Variants in ANKRD50 observed in about 807,000 individuals in gnomAD.
ANKRD50 encodes ankyrin repeat domain 50, also known as ankyrin repeat domain-containing protein 50.
ANKRD50 carries 40 observed loss-of-function variants against 112.0 expected under a neutral mutation model. That is an observed-to-expected ratio of 0.36 (90% CI 0.28 to 0.46). The LOEUF is 0.46. ANKRD50 is among the 20% of genes least tolerant of loss of function. ANKRD50 has a pLI of 1.00. For synonymous variants in ANKRD50, 613 were observed against 619.1 expected, an observed-to-expected ratio of 0.99 and a Z score of 0.15; for missense variants, 1,487 against 1,701.7, an observed-to-expected ratio of 0.87 and a Z score of 2.22.
chr4:124,700,774 G>A (rs1725372045), intron 2 of ANKRD50, among the ~76,000 whole-genome samples: 1 of 152,154 alleles, frequency 6.6e-6, no homozygotes, highest in African/African-American at 2.4e-5. Context: ...GTTGCAGGTT[G>A]GGTCCCATCT....
intron 2 of ANKRD50, among the ~76,000 whole-genome samples, chr4:124,704,031 A>G (rs1560601963): frequency 6.6e-6 from 1 of 152,228 alleles, no homozygotes; most frequent in Non-Finnish European, 1.5e-5. Context: ...CAGAAGGGAA[A>G]GTGGGAAGAT....
chr4:124,705,195 TAGA>T (rs980934394), intron 2 of ANKRD50, among the ~76,000 whole-genome samples: 9 of 152,280 alleles, frequency 5.9e-5, no homozygotes, highest in African/African-American at 1.9e-4. Context: ...GAGATAAGAT[TAGA>T]AGGATTATTC....
chr4:124,677,619 A>G (rs534922074), intron 3 of ANKRD50, among the ~76,000 whole-genome samples: 28 of 152,108 alleles, frequency 1.8e-4, no homozygotes, highest in Middle Eastern at 3.4e-3. Context: ...CAAAAATCCT[A>G]TAAGAAAAGT....
intron 2 of ANKRD50, among the ~76,000 whole-genome samples, chr4:124,680,466 T>G (rs1477934241): frequency 6.6e-6 from 1 of 152,126 alleles, no homozygotes; most frequent in African/African-American, 2.4e-5. Flanking sequence ...GTGCTCAAGA[T>G]GAACTAAGTT....
Position 124,671,130 on chromosome 4 carries a change from A to G in ANKRD50, c.2147T>C (p.Val716Ala). The G allele has an allele frequency of 1.9e-6, 3 of 1,613,840 alleles. No individual in the cohort carries two copies. The highest frequency in any genetic ancestry group is 2.5e-6 in the Non-Finnish European group (3 of 1,179,846). The change falls in exon 4 of 5, where the codon GTA becomes GCA. Residue 716 changes from valine to alanine, a missense_variant. By Grantham distance (64) the Val-to-Ala change is moderately conservative. This residue lies in a region of ANKRD50 where 1,046 missense variants were observed against 1,269.5 expected (regional missense o/e 0.82). Coordinates refer to ENST00000504087, the MANE Select transcript of ANKRD50 (RefSeq NM_020337.3). The part of the protein sequence containing the change: ...EDVDGRTALS[V>A]AALCVPASKG... ...ACTTGCAGGCACACAAAGTGCAGCT[A>G]CAGAGAGTGCAGTCCTGCCATCAAC...
intron 2 of ANKRD50, among the ~76,000 whole-genome samples, chr4:124,686,772 T>C (rs1048515644): frequency 6.6e-6 from 1 of 152,066 alleles, no homozygotes; most frequent in Non-Finnish European, 1.5e-5. Context: ...AGAGAAGATA[T>C]TGAGAAAATC....
In ANKRD50 at chr4:124,678,804, T is replaced by G. The variant is rs1408279775; in HGVS notation, c.614A>C (p.Gln205Pro). 1 of 1,613,750 alleles carries G rather than the reference T, an allele frequency of 6.2e-7. No individual in the cohort carries two copies. Among genetic ancestry groups the G allele is most frequent in the South Asian group, 1.1e-5 (1 of 91,080 alleles). ...AGTCCCAGATAAGCTGGTAGACGTTTGTTCACCTTCAGTAATGTTACACCC... is the reference window on the plus strand; with the variant it reads ...AGTCCCAGATAAGCTGGTAGACGTTGGTTCACCTTCAGTAATGTTACACCC... ...DEGCNITEGEQTSTSLSGTVA... is the reference protein window; with the variant it reads ...DEGCNITEGEPTSTSLSGTVA... The change falls in exon 3 of 5, where the codon CAA becomes CCA. Residue 205 changes from glutamine (Q) to proline (P), a missense_variant. Gln to Pro is a moderately conservative substitution (Grantham distance 76). Coordinates refer to ENST00000504087, the MANE Select transcript of ANKRD50 (RefSeq NM_020337.3).
chr4:124,702,153 G>A (rs377241254), intron 2 of ANKRD50, among the ~76,000 whole-genome samples: 1 of 152,150 alleles, frequency 6.6e-6, no homozygotes, highest in Non-Finnish European at 1.5e-5. Context: ...TGTTAGATGA[G>A]GCATAACCAA....
At chr4:124,678,947 C>T (rs1281579575) in intron 2 of ANKRD50, 42 bp from the exon 3 acceptor site, 5 of 1,381,828 alleles carry the variant, frequency 3.6e-6, no homozygotes, top group Admixed American at 1.9e-5. Flanking sequence ...TGTTAAGTGG[C>T]TATGATGTTA....
At position 124,671,618 on chromosome 4, in the gene ANKRD50, T is replaced by C. The variant is rs142747147; in HGVS notation, c.1659A>G (p.Ala553=). ...TGACTACATCAAGACTGCCACTATA[T>C]GCAGCATTAGCCAATAATGTTCTCC... The part of the protein sequence containing the change: ...SNGRTLLANA[A]YSGSLDVVNL... The change falls in exon 4 of 5, where the codon GCA becomes GCG. Residue 553 remains alanine (A), a synonymous_variant. Transcript: ENST00000504087. 4.0e-4 allele frequency: 652 copies of C among 1,613,940 alleles called. No individual in the cohort carries two copies. Among genetic ancestry groups the C allele is most frequent in the African/African-American group, 1.4e-3 (105 of 75,026 alleles).
chr4:124,705,100 AC>A (rs57832153), intron 2 of ANKRD50, among the ~76,000 whole-genome samples: 29,286 of 151,372 alleles, frequency 0.19, 2,965 homozygotes, highest in African/African-American at 0.26. Flanking sequence ...TCTCAAAAAA[AC>A]AAACAAACAA....
intron 1 of ANKRD50, among the ~76,000 whole-genome samples, chr4:124,711,715 A>C (rs1451120454): frequency 6.6e-6 from 1 of 151,778 alleles, no homozygotes; most frequent in Non-Finnish European, 1.5e-5. Context: ...ATGTGCAAAA[A>C]TCTAGGGGAA....
intron 1 of ANKRD50, among the ~76,000 whole-genome samples, chr4:124,711,582 C>T (rs1346182066): frequency 6.6e-6 from 1 of 152,058 alleles, no homozygotes; most frequent in Non-Finnish European, 1.5e-5. Context: ...ACCCTTAACT[C>T]CAGGCAAAAC....
intron 3 of ANKRD50, among the ~76,000 whole-genome samples, chr4:124,677,210 C>T (rs1730793218): frequency 6.6e-6 from 1 of 151,440 alleles, no homozygotes; most frequent in South Asian, 2.1e-4. Flanking sequence ...TAATTAATAT[C>T]CCAAAAAAAG....
rs1226006285 is a variant in ANKRD50 at position 124,666,143 on chromosome 4, GACA to G, written c.*1372_*1374del. On this transcript the variant is annotated 3_prime_UTR_variant, in exon 5 of 5. Coordinates refer to ENST00000504087, the MANE Select transcript of ANKRD50 (RefSeq NM_020337.3). ...ACAACCTTGGCTTCTAAACTGTTAT[GACA>G]ACTTTTCCAGACATATAAACGACCC... 10 of 152,338 alleles carry G rather than the reference GACA, an allele frequency of 6.6e-5. No homozygotes were observed. The highest frequency in any genetic ancestry group is 2.4e-5 in the African/African-American group (1 of 41,408). The allele number at this position is 152,338 out of a possible 1,614,324, so 9.4% of individuals were successfully genotyped here.
chr4:124,710,461 T>C lies in ANKRD50; in HGVS notation c.51A>G (p.Leu17=). Residue 17 remains leucine (L), a synonymous_variant, in exon 2 of 5, where the codon TTA becomes TTG. Coordinates refer to ENST00000504087, the MANE Select transcript of ANKRD50 (RefSeq NM_020337.3). ...EKVCKMAQTS[L]LQGKQFYCRE... ...TACAGTAAAACTGCTTCCCTTGCAG[T>C]AAACTGGTTTGAGCCATTTTGCAGA... The C allele has an allele frequency of 6.2e-7, 1 of 1,614,036 alleles. No homozygotes were observed. Among genetic ancestry groups the C allele is most frequent in the Non-Finnish European group, 8.5e-7 (1 of 1,180,004 alleles).
chr4:124,698,218 TG>T (rs1327876736), intron 2 of ANKRD50, among the ~76,000 whole-genome samples: 1 of 152,028 alleles, frequency 6.6e-6, no homozygotes, highest in Non-Finnish European at 1.5e-5. Flanking sequence ...GGAGCACAGA[TG>T]GTTTAACCAT....
intron 2 of ANKRD50, among the ~76,000 whole-genome samples, chr4:124,694,043 C>A (rs1725197202): frequency 6.6e-6 from 1 of 152,050 alleles, no homozygotes; most frequent in African/African-American, 2.4e-5. Flanking sequence ...TTTGGGAAAA[C>A]AAACCTAGAC....
intron 2 of ANKRD50, among the ~76,000 whole-genome samples, chr4:124,699,314 G>GT (rs1725334426): frequency 6.6e-6 from 1 of 150,502 alleles, no homozygotes. Flanking sequence ...TTACTTTCCC[G>GT]TATCACTGAA....
Sources: gnomAD v4.1 joint callset for allele counts (sites outside exome capture counted in the v4.1 genomes callset) on GRCh38, gnomAD v4.1.1 for gene constraint, gnomAD v4.1.1 regional missense constraint, MANE v1.5 for transcripts, NCBI Gene and HGNC (gene_info 2026-07-23, HGNC 2026-07-21) for gene names.